Variants in ATP8B1 observed in about 807,000 individuals in gnomAD.
The protein encoded by ATP8B1 is phospholipid-transporting ATPase IC.
ATP8B1 carries 80 observed loss-of-function variants against 149.9 expected under a neutral mutation model. The observed-to-expected ratio is 0.53, with a 90% CI of 0.45 to 0.64. ATP8B1 has a LOEUF of 0.64. ATP8B1 is among the 30% of genes least tolerant of loss of function. ATP8B1 has a pLI of 0.00. For synonymous variants in ATP8B1, 536 were observed against 562.8 expected (o/e 0.95, Z 0.67); for missense variants, 1,247 against 1,552.6 (o/e 0.80, Z 3.31).
chr18:57,704,390 A>T (rs1470106991), intron 4 of ATP8B1, among the ~76,000 whole-genome samples, 165 bp downstream of exon 4: 1 of 152,214 alleles, frequency 6.6e-6, no homozygotes, highest in Non-Finnish European at 1.5e-5. Context: ...TGTTCATATA[A>T]CACTGATTGA....
chr18:57,756,446 G>A (rs1407477511), intron 1 of ATP8B1, among the ~76,000 whole-genome samples: 2 of 150,824 alleles, frequency 1.3e-5, no homozygotes, highest in South Asian at 4.2e-4. Flanking sequence ...GATTACAGGC[G>A]CCTGCCACCA....
intron 1 of ATP8B1, among the ~76,000 whole-genome samples, chr18:57,773,530 C>T (rs957659666): frequency 6.6e-6 from 1 of 152,196 alleles, no homozygotes; most frequent in East Asian, 1.9e-4. Flanking sequence ...TTGGCCCTGA[C>T]ATTCTATACG....
chr18:57,703,461 T>G (rs1599134148), intron 4 of ATP8B1, among the ~76,000 whole-genome samples: 1 of 151,576 alleles, frequency 6.6e-6, no homozygotes, highest in Admixed American at 6.6e-5. Flanking sequence ...TCCCAGCTAC[T>G]CAGGGGGCTG....
At chr18:57,694,422 A>G (rs191251214) in intron 11 of ATP8B1, among the ~76,000 whole-genome samples, 160 bp downstream of exon 11, 19 of 151,434 alleles carry the variant, frequency 1.3e-4, no homozygotes, top group Admixed American at 9.2e-4. Context: ...GCATTTCTGG[A>G]AAAAAAAATC....
rs540752353 is a variant in ATP8B1 at position 57,679,966 on chromosome 18, A to G, written c.1630+4070T>C. Among the ~76,000 whole-genome samples, 114 of 151,442 alleles carry G rather than the reference A, an allele frequency of 7.5e-4. 1 individual carries two copies. Among genetic ancestry groups the G allele is most frequent in the African/African-American group, 2.7e-3 (110 of 41,276 alleles). On this transcript the variant is annotated intron_variant, in intron 15 of 27. Transcript: ENST00000648908. ...AGGCGTGAATCACTGCACCCGGCTC[A>G]CTCTAATTAAGTGACAATAAACTAC...
At chr18:57,676,177 T>C (rs1035755210) in intron 15 of ATP8B1, among the ~76,000 whole-genome samples, 1 of 152,162 alleles carries the variant, frequency 6.6e-6, no homozygotes, top group African/African-American at 2.4e-5. Flanking sequence ...TTTTTTGTTT[T>C]TTTGAGACAG....
intron 4 of ATP8B1, among the ~76,000 whole-genome samples, 166 bp from the exon 5 acceptor site, chr18:57,701,479 C>T (rs1176963304): frequency 6.6e-6 from 1 of 152,174 alleles, no homozygotes; most frequent in Admixed American, 6.5e-5. Context: ...TTTGGACAAC[C>T]TCCTTCTAGT....
At chr18:57,781,715 C>T (rs953905812) in intron 1 of ATP8B1, among the ~76,000 whole-genome samples, 2 of 152,168 alleles carry the variant, frequency 1.3e-5, no homozygotes, top group African/African-American at 4.8e-5. Flanking sequence ...TGGCTCGCAC[C>T]AGTAATTCCA....
At chr18:57,660,768 C>T (rs1460817194) in intron 22 of ATP8B1, among the ~76,000 whole-genome samples, 13 of 152,168 alleles carry the variant, frequency 8.5e-5, no homozygotes, top group African/African-American at 2.4e-4. Flanking sequence ...CCACCTGCCT[C>T]GGCTTCCCAA....
intron 6 of ATP8B1, among the ~76,000 whole-genome samples, chr18:57,699,997 TGAGCATTAGCAGGGTA>T (rs1334343197): frequency 6.6e-6 from 1 of 152,136 alleles, no homozygotes; most frequent in Non-Finnish European, 1.5e-5. Context: ...TATAGGAACT[TGAGCATTAGCAGGGTA>T]GAGCACAGGG....
rs1599059993 is a variant in ATP8B1 at position 57,648,196 on chromosome 18, G to T, written c.*292C>A. 1.6e-5 allele frequency: 8 copies of T among 507,540 alleles called. No homozygotes were observed. The East Asian group carries it at 2.9e-4, about 18-fold the overall frequency. 31.4% of individuals were successfully genotyped at this position (507,540 alleles called of 1,614,324 possible). On this transcript the variant is annotated 3_prime_UTR_variant, in exon 28 of 28. Coordinates refer to ENST00000648908, the MANE Select transcript of ATP8B1 (RefSeq NM_001374385.1). ...AGACAGGGTTTCACCATGTTGGCTG[G>T]GCTGGTCTCGAACTCCTGGCCTCAG...
At chr18:57,757,946 AT>A (rs2123307365) in intron 1 of ATP8B1, among the ~76,000 whole-genome samples, 1 of 152,072 alleles carries the variant, frequency 6.6e-6, no homozygotes, top group African/African-American at 2.4e-5. Context: ...GGGTTTCTTC[AT>A]TTCATGTTGC....
At position 57,784,459 on chromosome 18, in the gene ATP8B1, G is replaced by A. The variant is rs902043829; in HGVS notation, c.-26+18539C>T. 7.9e-5 allele frequency among the ~76,000 whole-genome samples: 12 copies of A among 152,152 alleles called. No homozygotes were observed. Among genetic ancestry groups the A allele is most frequent in the Non-Finnish European group, 1.8e-4 (12 of 68,032 alleles). On this transcript the variant is annotated intron_variant, in intron 1 of 27. Coordinates refer to ENST00000648908, the MANE Select transcript of ATP8B1 (RefSeq NM_001374385.1). The surrounding 1 kb of genome is among the most constrained non-coding windows in gnomAD (Gnocchi z 4.4). ...CAGCGGAGATAGAGGTTATCAGGTG[G>A]AGTCAAGGTCTTCCAGAGGTAGAAG...
intron 1 of ATP8B1, among the ~76,000 whole-genome samples, chr18:57,755,951 A>C (rs1458969772): frequency 1.3e-5 from 2 of 152,014 alleles, no homozygotes; most frequent in Non-Finnish European, 2.9e-5. Flanking sequence ...CATATAGTTC[A>C]TTATCCCCCT....
At chr18:57,697,191 G>C (rs962722208) in intron 8 of ATP8B1, among the ~76,000 whole-genome samples, 1 of 152,110 alleles carries the variant, frequency 6.6e-6, no homozygotes, top group Non-Finnish European at 1.5e-5. Flanking sequence ...AACCCAGGGG[G>C]TGTGGAGGTT....
chr18:57,684,164 G>C lies in ATP8B1; in HGVS notation c.1502C>G (p.Ala501Gly), dbSNP rs374483155. ...GTCATAAAATGCAAGCTTCCCATCA[G>C]CATATGTATTCCAGCTAAAATCAAC... ...EQVDFSWNTYADGKLAFYDHY... is the reference protein window; with the variant it reads ...EQVDFSWNTYGDGKLAFYDHY... Residue 501 changes from alanine (A) to glycine (G), a missense_variant, in exon 15 of 28, where the codon GCT becomes GGT. Ala to Gly is a moderately conservative substitution (Grantham distance 60). This residue lies in a region of ATP8B1 where 853 missense variants were observed against 1,035.7 expected (regional missense o/e 0.82). Coordinates refer to ENST00000648908, the MANE Select transcript of ATP8B1 (RefSeq NM_001374385.1). The C allele has an allele frequency of 6.2e-7, 1 of 1,613,838 alleles. No homozygotes were observed. Among genetic ancestry groups the C allele is most frequent in the Non-Finnish European group, 8.5e-7 (1 of 1,179,910 alleles).
chr18:57,749,778 C>T (rs2079998290), intron 1 of ATP8B1, among the ~76,000 whole-genome samples: 1 of 152,218 alleles, frequency 6.6e-6, no homozygotes, highest in Non-Finnish European at 1.5e-5. Context: ...AGCAAACCTT[C>T]AGCTGTCCAT....
chr18:57,743,115 G>A (rs1007545557), intron 1 of ATP8B1, among the ~76,000 whole-genome samples: 14 of 152,160 alleles, frequency 9.2e-5, no homozygotes, highest in Non-Finnish European at 1.8e-4. Context: ...ATTATGCTGA[G>A]GCATGTCGCC....
chr18:57,800,871 G>A (rs2080566815), intron 1 of ATP8B1, among the ~76,000 whole-genome samples: 1 of 152,162 alleles, frequency 6.6e-6, no homozygotes. Flanking sequence ...GGAATGGACG[G>A]AAGGAAAGGA....
Sources: allele counts gnomAD v4.1 joint callset (sites outside exome capture counted in the v4.1 genomes callset), GRCh38; gene constraint gnomAD v4.1.1; regional missense constraint gnomAD v4.1.1; non-coding constraint Gnocchi (gnomAD v3.1); transcripts MANE v1.5; gene names NCBI Gene and HGNC (gene_info 2026-07-23, HGNC 2026-07-21).